Variants in ADCY5 observed in about 807,000 individuals in gnomAD.
The protein encoded by ADCY5 is adenylate cyclase type 5.
In ADCY5, 30 loss-of-function variants were observed where a neutral mutation model predicts 119.7. The ratio of observed to expected loss-of-function variants is 0.25; its 90% confidence interval spans 0.19 to 0.34. The LOEUF is 0.34. ADCY5 is among the 10% of genes least tolerant of loss of function. ADCY5 has a pLI of 1.00. For missense variants in ADCY5, 1,324 were observed against 1,775.2 expected (o/e 0.75, Z 4.57); for synonymous variants, 753 against 762.2 (o/e 0.99, Z 0.20).
chr3:123,297,152 G>A, intron 16 of ADCY5: 2 of 1,403,690 alleles, frequency 1.4e-6, no homozygotes, highest in Non-Finnish European at 9.8e-7. Context: ...CACCTTGGCA[G>A]GGATCATGAA....
chr3:123,291,607 C>T (rs1363227925), intron 17 of ADCY5, among the ~76,000 whole-genome samples: 2 of 152,114 alleles, frequency 1.3e-5, no homozygotes, highest in African/African-American at 2.4e-5. Flanking sequence ...TTCTGAGCCT[C>T]GAACTCTCTC....
At chr3:123,396,981 C>T (rs1944617006) in intron 1 of ADCY5, among the ~76,000 whole-genome samples, 1 of 152,118 alleles carries the variant, frequency 6.6e-6, no homozygotes, top group South Asian at 2.1e-4. Flanking sequence ...ACAATGTGAG[C>T]TCCCGGAACT....
intron 1 of ADCY5, chr3:123,416,234 C>G: frequency 2.0e-6 from 3 of 1,536,162 alleles, no homozygotes; most frequent in Middle Eastern, 1.7e-4. Flanking sequence ...GACAGGTCAC[C>G]TCTGCTGCAA....
In ADCY5 at chr3:123,352,940, G is replaced by A. The variant is rs1231465316; in HGVS notation, c.1135-359C>T. ...GGCCACTGCAAGGAAGGTGCCACAA[G>A]GGTGCTGGGATTTCACTTTTGAAAG... is the stretch of plus-strand genomic sequence containing the variant. On this transcript the variant is annotated intron_variant, in intron 1 of 20. Coordinates refer to ENST00000462833, the MANE Select transcript of ADCY5 (RefSeq NM_183357.3). This position sits in a 1 kb window ranked among gnomAD's most constrained non-coding sequence, Gnocchi z 4.8. Among the ~76,000 whole-genome samples the A allele has an allele frequency of 6.6e-6, 1 of 152,198 alleles. No individual in the cohort carries two copies. Among genetic ancestry groups the A allele is most frequent in the Non-Finnish European group, 1.5e-5 (1 of 68,034 alleles).
chr3:123,363,162 A>G lies in ADCY5; in HGVS notation c.1135-10581T>C, dbSNP rs948383197. Among the ~76,000 whole-genome samples, 211 of 145,544 alleles carry G rather than the reference A, an allele frequency of 1.4e-3. 1 individual carries two copies. Among genetic ancestry groups the G allele is most frequent in the Non-Finnish European group, 2.4e-3 (164 of 67,736 alleles). Reference sequence around the variant, plus strand: ...CTTCTTGAAAAAAAAAAAAAAAAAAAGGAATTGAAGAACAAAAAAAAAAAT... The same window carrying G: ...CTTCTTGAAAAAAAAAAAAAAAAAAGGGAATTGAAGAACAAAAAAAAAAAT... On this transcript the variant is annotated intron_variant, in intron 1 of 20. Coordinates refer to ENST00000462833, the MANE Select transcript of ADCY5 (RefSeq NM_183357.3).
intron 16 of ADCY5, 27 bp downstream of exon 16, chr3:123,297,326 G>A (rs766632721): frequency 9.9e-6 from 16 of 1,612,580 alleles, no homozygotes; most frequent in South Asian, 7.7e-5. Flanking sequence ...GGCAGGGAGC[G>A]ACCCTATCCG....
chr3:123,427,523 A>T (rs561278029), intron 1 of ADCY5, among the ~76,000 whole-genome samples: 10 of 152,212 alleles, frequency 6.6e-5, no homozygotes, highest in African/African-American at 2.4e-4. Flanking sequence ...GTCTCTGCAC[A>T]TGGAAATCCC....
In ADCY5 at chr3:123,296,596, C is replaced by T. The variant is rs550371851; in HGVS notation, c.2931-380G>A. ...CAGTGGGTGCAGTAAAAGGGCACCA[C>T]GCAGGCCATGCTGACCCTGTCTCTG... On this transcript the variant is annotated intron_variant, in intron 16 of 20. Transcript: ENST00000462833. 1.6e-4 allele frequency among the ~76,000 whole-genome samples: 25 copies of T among 152,312 alleles called. No homozygotes were observed. The East Asian group carries it at 3.1e-3, about 19-fold the overall frequency.
In ADCY5 at chr3:123,448,070, C is replaced by T; in HGVS notation, c.476G>A (p.Gly159Asp). Reference protein sequence around the residue: ...TEVRPRSVEVGLEERRGKGRA... With the variant: ...TEVRPRSVEVDLEERRGKGRA... ...CCCCTTGCCCCGCCGCTCCTCCAGA[C>T]CCACCTCCACCGAGCGAGGGCGCAC... The change falls in exon 1 of 21, where the codon GGT (glycine) becomes GAT (aspartate). Residue 159 changes from glycine (G) to aspartate (D), a missense_variant. Physicochemically the swap from Gly to Asp is moderately conservative, Grantham distance 94. Coordinates refer to ENST00000462833, the MANE Select transcript of ADCY5 (RefSeq NM_183357.3). 1 of 1,234,780 alleles carries T rather than the reference C, an allele frequency of 8.1e-7. No individual in the cohort carries two copies. The highest frequency in any genetic ancestry group is 1.0e-6 in the Non-Finnish European group (1 of 986,476). The allele number at this position is 1,234,780 out of a possible 1,614,324, so 76.5% of individuals were successfully genotyped here. A position where few individuals can be genotyped will look rare whatever the true frequency, so the allele number is the denominator to read the frequency against.
At chr3:123,387,892 G>A (rs1944276992) in intron 1 of ADCY5, among the ~76,000 whole-genome samples, 1 of 152,166 alleles carries the variant, frequency 6.6e-6, no homozygotes, top group Admixed American at 6.5e-5. Context: ...AGGAGCACCA[G>A]AAAGGAAAGG....
At chr3:123,372,104 A>G (rs935432563) in intron 1 of ADCY5, among the ~76,000 whole-genome samples, 1 of 152,188 alleles carries the variant, frequency 6.6e-6, no homozygotes, top group Admixed American at 6.5e-5. Context: ...GGACTTGTCC[A>G]GGAGCCCTGG....
Position 123,434,743 on chromosome 3 carries a change from C to A in ADCY5, c.1134+12669G>T, listed in dbSNP as rs574081546. Among the ~76,000 whole-genome samples the A allele has an allele frequency of 2.0e-5, 3 of 152,090 alleles. No individual in the cohort carries two copies. The South Asian group carries it at 6.2e-4, about 32-fold the overall frequency. ...TGTTAAGGTATAGTTTCAAAACTCC[C>A]CAGGGGATTCAAAGGTGCACCCAGG... On this transcript the variant is annotated intron_variant, in intron 1 of 20. Coordinates refer to ENST00000462833, the MANE Select transcript of ADCY5 (RefSeq NM_183357.3).
chr3:123,443,165 C>T (rs1289924969), intron 1 of ADCY5, among the ~76,000 whole-genome samples: 2 of 151,946 alleles, frequency 1.3e-5, no homozygotes, highest in Non-Finnish European at 2.9e-5. Context: ...AGCTCTTCAG[C>T]GGGGCTCATT....
intron 1 of ADCY5, among the ~76,000 whole-genome samples, chr3:123,360,112 G>A (rs1943195512): frequency 6.6e-6 from 1 of 150,458 alleles, no homozygotes; most frequent in Non-Finnish European, 1.5e-5. Flanking sequence ...TAATCATAAT[G>A]AGTGACACCT....
At chr3:123,285,469 C>T (rs1225967109) in intron 20 of ADCY5, among the ~76,000 whole-genome samples, 1 of 152,170 alleles carries the variant, frequency 6.6e-6, no homozygotes, top group East Asian at 1.9e-4. Flanking sequence ...GGCAGCATAG[C>T]CAGTGGCTCC....
Position 123,318,078 on chromosome 3 carries a change from C to T in ADCY5, c.2296G>A (p.Ala766Thr), listed in dbSNP as rs1417013963. The change falls in exon 11 of 21, where the codon GCG becomes ACG. Residue 766 changes from alanine to threonine, a missense_variant. By Grantham distance (58) the Ala-to-Thr change is moderately conservative (BLOSUM62 0). Coordinates refer to ENST00000462833, the MANE Select transcript of ADCY5 (RefSeq NM_183357.3). ...AAGAGGAAGACGAGCGAGGCACACGCCACATAGGCACCAAATCGGTCGTCT... is the reference window on the plus strand; with the variant it reads ...AAGAGGAAGACGAGCGAGGCACACGTCACATAGGCACCAAATCGGTCGTCT... ...QVDDRFGAYVACASLVFLFIC... is the reference protein window; with the variant it reads ...QVDDRFGAYVTCASLVFLFIC... 1 of 1,613,912 alleles carries T rather than the reference C, an allele frequency of 6.2e-7. No homozygotes were observed. Among genetic ancestry groups the T allele is most frequent in the Non-Finnish European group, 8.5e-7 (1 of 1,179,964 alleles).
At chr3:123,284,800 G>T in intron 20 of ADCY5, 64 bp from the exon 21 acceptor site, 4 of 1,604,722 alleles carry the variant, frequency 2.5e-6, no homozygotes, top group Middle Eastern at 1.7e-4. Flanking sequence ...CTGCTGTGGG[G>T]TAGAGCCACC....
At chr3:123,293,848 A>G (rs1454113769) in intron 17 of ADCY5, among the ~76,000 whole-genome samples, 1 of 152,188 alleles carries the variant, frequency 6.6e-6, no homozygotes, top group Non-Finnish European at 1.5e-5. Flanking sequence ...CGAGCACACC[A>G]AACGCTCAGA....
At chr3:123,380,675 C>A (rs995187083) in intron 1 of ADCY5, among the ~76,000 whole-genome samples, 1 of 152,230 alleles carries the variant, frequency 6.6e-6, no homozygotes, top group Non-Finnish European at 1.5e-5. Flanking sequence ...ATGGCTAGTA[C>A]CTGTCTGTGC....
Sources: allele counts gnomAD v4.1 joint callset (sites outside exome capture counted in the v4.1 genomes callset), GRCh38; gene constraint gnomAD v4.1.1; non-coding constraint Gnocchi (gnomAD v3.1); transcripts MANE v1.5; gene names NCBI Gene and HGNC (gene_info 2026-07-23, HGNC 2026-07-21).